The following MSTO1 variants were observed in gnomAD, a reference collection of about 807,000 sequenced individuals.
MSTO1 encodes the protein protein misato homolog 1.
In MSTO1, 24 loss-of-function variants were observed where a neutral mutation model predicts 55.7. The ratio of observed to expected loss-of-function variants is 0.43; its 90% CI spans 0.31 to 0.61. The LOEUF is 0.61. Among genes scored for constraint, MSTO1 ranks in the 20% least tolerant of loss-of-function variants. The probability of loss-of-function intolerance (pLI) is 0.09; values close to 1 mark genes in which losing one functional copy is unlikely to be tolerated. For synonymous variants in MSTO1, 162 were observed against 252.8 expected (o/e 0.64, Z 3.41); for missense variants, 363 against 625.7 (o/e 0.58, Z 4.48).
At chr1:155,587,875 T>C in the MSTO1 span, among the ~76,000 whole-genome samples, 2 of 152,102 alleles carry the variant, frequency 1.3e-5, no homozygotes, top group Non-Finnish European at 2.9e-5. Flanking sequence ...CTAGTTGAAT[T>C]AATGATAATT....
At chr1:155,579,396 G>C in the MSTO1 span, among the ~76,000 whole-genome samples, 1 of 152,046 alleles carries the variant, frequency 6.6e-6, no homozygotes, top group Non-Finnish European at 1.5e-5. Context: ...AAGCTACAAG[G>C]AGACATGTTG....
At chr1:155,568,587 C>G in the MSTO1 span, among the ~76,000 whole-genome samples, 1 of 151,546 alleles carries the variant, frequency 6.6e-6, no homozygotes, top group Non-Finnish European at 1.5e-5. Flanking sequence ...TACAGATGCT[C>G]GCCACCACAC....
At chr1:155,590,101 G>A in the MSTO1 span, among the ~76,000 whole-genome samples, 42 of 152,232 alleles carry the variant, frequency 2.8e-4, no homozygotes, top group South Asian at 1.0e-3. Context: ...GGACATCCAG[G>A]ACGGAGGAGC....
the MSTO1 span, among the ~76,000 whole-genome samples, chr1:155,567,715 A>G: frequency 1.0e-3 from 151 of 150,244 alleles, no homozygotes; most frequent in Middle Eastern, 3.4e-3. Context: ...GGATTTAGGC[A>G]TGAGCCACTG....
upstream of MSTO1, among the ~76,000 whole-genome samples, chr1:155,608,258 C>T (rs34124416): frequency 6.6e-6 from 1 of 151,944 alleles, no homozygotes; most frequent in South Asian, 2.1e-4. Context: ...CTAATTCCTG[C>T]GCTGAAGCGA....
At chr1:155,569,437 T>A in the MSTO1 span, among the ~76,000 whole-genome samples, 3 of 135,316 alleles carry the variant, frequency 2.2e-5, no homozygotes, top group African/African-American at 8.3e-5. Flanking sequence ...GCCCGGTCTT[T>A]TTTTTTTTTT....
chr1:155,564,674 C>A, the MSTO1 span, among the ~76,000 whole-genome samples: 1 of 152,212 alleles, frequency 6.6e-6, no homozygotes. Context: ...CCCACACTTT[C>A]ATGGAGCCCA....
chr1:155,588,207 C>CAA, the MSTO1 span, among the ~76,000 whole-genome samples: 3 of 95,834 alleles, frequency 3.1e-5, no homozygotes, highest in Non-Finnish European at 4.5e-5. Context: ...GACTGTGTCT[C>CAA]AAAAAAAAAA....
upstream of MSTO1, among the ~76,000 whole-genome samples, chr1:155,607,075 G>A (rs1009131862): frequency 4.6e-5 from 7 of 150,956 alleles, no homozygotes; most frequent in East Asian, 2.0e-4. Flanking sequence ...CTCGTGATCC[G>A]CCCGCCTTGG....
chr1:155,567,083 T>C, the MSTO1 span, among the ~76,000 whole-genome samples: 2 of 152,166 alleles, frequency 1.3e-5, no homozygotes, highest in Non-Finnish European at 2.9e-5. Context: ...GGGTTGACTT[T>C]ACATTTGACG....
chr1:155,595,582 G>A, the MSTO1 span, among the ~76,000 whole-genome samples: 1 of 151,552 alleles, frequency 6.6e-6, no homozygotes, highest in African/African-American at 2.4e-5. Flanking sequence ...CCACCTCCTG[G>A]GTTCAAGCAA....
chr1:155,614,823 A>G lies in MSTO1; in HGVS notation c.*550A>G. 2 of 1,578,962 alleles carry G rather than the reference A, an allele frequency of 1.3e-6. No homozygotes were observed. Among genetic ancestry groups the G allele is most frequent in the Non-Finnish European group, 1.7e-6 (2 of 1,161,506 alleles). ...CATCCTCATCCTCAGAGCTGGCTTCACAGGCAGTGTGGAAGAGCTGCATGA... is the reference window on the plus strand; with the variant it reads ...CATCCTCATCCTCAGAGCTGGCTTCGCAGGCAGTGTGGAAGAGCTGCATGA... On this transcript the variant is annotated 3_prime_UTR_variant, in exon 14 of 14. Coordinates refer to ENST00000245564, the MANE Select transcript of MSTO1 (RefSeq NM_018116.4).
At chr1:155,591,206 C>T in the MSTO1 span, 2 of 1,612,248 alleles carry the variant, frequency 1.2e-6, no homozygotes, top group East Asian at 2.2e-5. Flanking sequence ...CCAGGCCATT[C>T]ACCCAGCCCA....
chr1:155,585,266 G>A, the MSTO1 span, among the ~76,000 whole-genome samples: 1 of 152,202 alleles, frequency 6.6e-6, no homozygotes, highest in Non-Finnish European at 1.5e-5. Flanking sequence ...GCTCACGCCT[G>A]TAATCCCAGC....
chr1:155,603,797 G>A, the MSTO1 span, among the ~76,000 whole-genome samples: 55 of 152,144 alleles, frequency 3.6e-4, no homozygotes, highest in Non-Finnish European at 3.4e-4. Context: ...GGCAGAGGTT[G>A]CAGTGAGCTG....
upstream of MSTO1, chr1:155,610,157 G>T: frequency 1.7e-6 from 2 of 1,195,810 alleles, no homozygotes; most frequent in East Asian, 2.3e-5. Flanking sequence ...AAGTAGCCGA[G>T]AATAACACCC....
chr1:155,609,243 ATTTTTTTTT>A (rs1185140621), upstream of MSTO1, among the ~76,000 whole-genome samples: 2 of 54,590 alleles, frequency 3.7e-5, no homozygotes, highest in African/African-American at 1.5e-4. Context: ...ATATATATAT[ATTTTTTTTT>A]TTTTTTTTTT....
At chr1:155,579,262 G>A in the MSTO1 span, among the ~76,000 whole-genome samples, 3 of 151,774 alleles carry the variant, frequency 2.0e-5, no homozygotes, top group Non-Finnish European at 2.9e-5. Flanking sequence ...GTGGTGAGCC[G>A]AGATCAAGCC....
chr1:155,608,892 T>C (rs1399379906), upstream of MSTO1, among the ~76,000 whole-genome samples: 3 of 151,400 alleles, frequency 2.0e-5, no homozygotes, highest in South Asian at 2.1e-4. Flanking sequence ...TGGCGTGATA[T>C]CGGCTCACTG....
Sources: gnomAD v4.1 joint callset for allele counts (sites outside exome capture counted in the v4.1 genomes callset) on GRCh38, gnomAD v4.1.1 for gene constraint, MANE v1.5 for transcripts, NCBI Gene and HGNC (gene_info 2026-07-23, HGNC 2026-07-21) for gene names.